Variants in XRCC3 observed in about 807,000 individuals in gnomAD.
The protein encoded by XRCC3 is DNA repair protein XRCC3.
Under a neutral mutation model 29.2 loss-of-function variants are expected in XRCC3, and 34 were observed. That is an observed-to-expected ratio of 1.16 (90% CI 0.88 to 1.55). The LOEUF is 1.55. XRCC3 is among the 40% of genes most tolerant of loss of function. The pLI is 0.00. For missense variants in XRCC3, 463 were observed against 467.6 expected (o/e 0.99, Z 0.09); for synonymous variants, 223 against 211.3 (o/e 1.06, Z -0.48).
intron 6 of XRCC3, 92 bp downstream of exon 6, chr14:103,706,911 G>C (rs562892070): frequency 2.9e-6 from 4 of 1,367,272 alleles, no homozygotes; most frequent in Non-Finnish European, 4.0e-6. Context: ...CAGCGCAAGA[G>C]GCGGCCACTG....
rs28903081 is a variant in XRCC3, at chr14:103,698,934, C to A, written c.905G>T (p.Arg302Leu). 1.9e-6 allele frequency: 3 copies of A among 1,600,194 alleles called. No homozygotes were observed. The highest frequency in any genetic ancestry group is 2.3e-5 in the East Asian group (1 of 44,228). Residue 302 changes from arginine to leucine, a missense_variant, in exon 10 of 10, where the codon CGC becomes CTC. Physicochemically the swap from Arg to Leu is moderately radical, Grantham distance 102. Coordinates refer to ENST00000555055, the MANE Select transcript of XRCC3 (RefSeq NM_005432.4). ...GCAGCCGAGGGCAGCCTCTTCCTCG[C>A]GGAGCCGGTCAGCCAGCAGTCTCAC... ...LLVRLLADRL[R>L]EEEAALGCPA...
intron 4 of XRCC3, 53 bp downstream of exon 4, chr14:103,710,980 T>A (rs2083606967): frequency 6.3e-7 from 1 of 1,593,712 alleles, no homozygotes; most frequent in Admixed American, 1.7e-5. Flanking sequence ...ACCTGCCTTA[T>A]ATAAACTGCA....
At chr14:103,710,906 C>T (rs527794040) in intron 4 of XRCC3, 127 bp downstream of exon 4, 10 of 865,440 alleles carry the variant, frequency 1.2e-5, no homozygotes, top group African/African-American at 3.4e-5. Flanking sequence ...TAGTACATCC[C>T]GCCCTCGGTT....
chr14:103,698,474 G>A lies in XRCC3; in HGVS notation c.*324C>T, dbSNP rs1344232983. On this transcript the variant is annotated 3_prime_UTR_variant, in exon 10 of 10. Coordinates refer to ENST00000555055, the MANE Select transcript of XRCC3 (RefSeq NM_005432.4). ...TTCCATGTGGAGAGAAGAAGCAGGCGGCTCCCAGGGAGTCACTGTAGGACA... is the reference window on the plus strand; with the variant it reads ...TTCCATGTGGAGAGAAGAAGCAGGCAGCTCCCAGGGAGTCACTGTAGGACA... 6 of 392,862 alleles carry A rather than the reference G, an allele frequency of 1.5e-5. No individual in the cohort carries two copies. Among genetic ancestry groups the A allele is most frequent in the South Asian group, 9.5e-5 (4 of 41,896 alleles). 24.3% of individuals were successfully genotyped at this position (392,862 alleles called of 1,614,324 possible). A position where few individuals can be genotyped will look rare whatever the true frequency, so the allele number is the denominator to read the frequency against.
intron 5 of XRCC3, 79 bp from the exon 6 acceptor site, chr14:103,707,294 C>T: frequency 6.6e-7 from 1 of 1,509,650 alleles, no homozygotes; most frequent in Non-Finnish European, 9.0e-7. Context: ...GCATGGTCAG[C>T]CTGCCTGTGC....
At chr14:103,701,004 G>C (rs183670233) in intron 7 of XRCC3, among the ~76,000 whole-genome samples, 1 of 152,224 alleles carries the variant, frequency 6.6e-6, no homozygotes, top group Non-Finnish European at 1.5e-5. Flanking sequence ...CAGGCCTTTG[G>C]TGCTCCAGGG....
intron 4 of XRCC3, 172 bp downstream of exon 4, chr14:103,710,861 C>CAG (rs2083601967): frequency 3.1e-6 from 2 of 639,810 alleles, no homozygotes; most frequent in East Asian, 2.8e-5. Flanking sequence ...AGAACACACA[C>CAG]ACACACACAC....
At chr14:103,715,259 C>A (rs1411198112) in intron 1 of XRCC3, among the ~76,000 whole-genome samples, 165 bp downstream of exon 1, 1 of 152,046 alleles carries the variant, frequency 6.6e-6, no homozygotes, top group African/African-American at 2.4e-5. Flanking sequence ...GTGAGTGCTG[C>A]AGCCCCAGGC....
chr14:103,712,010 G>A (rs892941944), intron 2 of XRCC3: 12 of 344,722 alleles, frequency 3.5e-5, no homozygotes, highest in Non-Finnish European at 6.3e-5. Flanking sequence ...CGTGGACTTG[G>A]AGAAGGTTTT....
intron 7 of XRCC3, 46 bp downstream of exon 7, chr14:103,703,127 T>G: frequency 6.5e-7 from 1 of 1,548,234 alleles, no homozygotes; most frequent in Non-Finnish European, 8.7e-7. Context: ...CCAATGGTCC[T>G]GAATAGCTTG....
chr14:103,707,169 C>T lies in XRCC3; in HGVS notation c.240G>A (p.Gln80=), dbSNP rs1374261105. 4 of 1,549,534 alleles carry T rather than the reference C, an allele frequency of 2.6e-6. No individual in the cohort carries two copies. In the East Asian group the frequency reaches 9.8e-5, roughly 38 times the overall value. Residue 80 remains glutamine, a synonymous_variant, in exon 6 of 10, where the codon CAG becomes CAA. Coordinates refer to ENST00000555055, the MANE Select transcript of XRCC3 (RefSeq NM_005432.4). The part of the protein sequence containing the change: ...QQKERFPTQH[Q]RLSLGCPVLD... The stretch of plus-strand genomic sequence containing the variant: ...GCACCGGGCAGCCCAGGCTCAGGCG[C>T]TGGTGCTGCGTGGGGAACCGCTCCT...
chr14:103,708,821 G>A, intron 4 of XRCC3, 162 bp from the exon 5 acceptor site: 1 of 925,378 alleles, frequency 1.1e-6, no homozygotes, highest in Non-Finnish European at 1.7e-6. Context: ...TGGAAACCCT[G>A]GACACAGTGT....
Position 103,708,575 on chromosome 14 carries a change from C to A in XRCC3, c.140G>T (p.Trp47Leu). ...TAAGGAGGCCGTTCTCAGCAAGTGC[C>A]AGACCTCGGGGCTGGAGAGGTTGGT... ...RLTNLSSPEV[W>L]HLLRTASLHL... Residue 47 changes from tryptophan to leucine, a missense_variant, in exon 5 of 10, where the codon TGG becomes TTG. Trp to Leu is a moderately conservative substitution (Grantham distance 61). Transcript: ENST00000555055. 1 of 1,614,102 alleles carries A rather than the reference C, an allele frequency of 6.2e-7. No homozygotes were observed. The highest frequency in any genetic ancestry group is 8.5e-7 in the Non-Finnish European group (1 of 1,180,024).
intron 7 of XRCC3, 81 bp downstream of exon 7, chr14:103,703,092 C>G: frequency 3.9e-6 from 6 of 1,534,000 alleles, no homozygotes; most frequent in Non-Finnish European, 5.2e-6. Flanking sequence ...TGTGAGACCC[C>G]ATTGCCGTGG....
chr14:103,710,710 C>G (rs2083595035), intron 4 of XRCC3: 1 of 319,796 alleles, frequency 3.1e-6, no homozygotes, highest in South Asian at 2.9e-5. Context: ...CCACTGCACT[C>G]AAGCCTGGGT....
At chr14:103,707,269 T>C (rs1373858605) in intron 5 of XRCC3, 54 bp from the exon 6 acceptor site, 1 of 1,542,308 alleles carries the variant, frequency 6.5e-7, no homozygotes, top group African/African-American at 1.4e-5. Flanking sequence ...CGGGCAGGGC[T>C]GGGGACTGCG....
intron 7 of XRCC3, 30 bp downstream of exon 7, chr14:103,703,143 G>T: frequency 6.4e-7 from 1 of 1,556,528 alleles, no homozygotes; most frequent in South Asian, 1.2e-5. Flanking sequence ...GCTTGCCTTG[G>T]GGGTGTCATG....
In XRCC3 at chr14:103,708,540, C is replaced by T; in HGVS notation, c.175G>A (p.Gly59Arg). 1 of 1,614,098 alleles carries T rather than the reference C, an allele frequency of 6.2e-7. No homozygotes were observed. Among genetic ancestry groups the T allele is most frequent in the Non-Finnish European group, 8.5e-7 (1 of 1,180,012 alleles). Residue 59 changes from glycine (G) to arginine (R), a missense_variant, in exon 5 of 10, where the codon GGA becomes AGA. Physicochemically the swap from Gly to Arg is moderately radical, Grantham distance 125. Coordinates refer to ENST00000555055, the MANE Select transcript of XRCC3 (RefSeq NM_005432.4). Reference protein sequence around the residue: ...LLRTASLHLRGSSILTALQLH... With the variant: ...LLRTASLHLRRSSILTALQLH... ...CACCTACCTGTAAGGATGCTGCTTCCCCGCAAGTGTAAGGAGGCCGTTCTC... is the reference window on the plus strand; with the variant it reads ...CACCTACCTGTAAGGATGCTGCTTCTCCGCAAGTGTAAGGAGGCCGTTCTC...
At chr14:103,703,456 T>C in intron 6 of XRCC3, 129 bp from the exon 7 acceptor site, 2 of 1,137,142 alleles carry the variant, frequency 1.8e-6, no homozygotes, top group Non-Finnish European at 2.5e-6. Context: ...GCCCCTCGCC[T>C]GGGGAGGGAG....
Sources: gnomAD v4.1 joint callset for allele counts (sites outside exome capture counted in the v4.1 genomes callset) on GRCh38, gnomAD v4.1.1 for gene constraint, MANE v1.5 for transcripts, NCBI Gene and HGNC (gene_info 2026-07-23, HGNC 2026-07-21) for gene names.